The following CDH4 variants were observed in gnomAD, a reference collection of about 807,000 sequenced individuals.
CDH4 encodes the protein cadherin-4.
A neutral mutation model predicts 86.0 loss-of-function variants in CDH4; 33 were observed. The ratio of observed to expected loss-of-function variants is 0.38; its 90% confidence interval spans 0.29 to 0.51. The LOEUF is 0.51. Among genes scored for constraint, CDH4 ranks in the 20% least tolerant of loss-of-function variants. The probability of loss-of-function intolerance (pLI) is 0.86; values close to 1 mark genes in which losing one functional copy is unlikely to be tolerated. For missense variants in CDH4, 1,114 were observed against 1,307.4 expected (o/e 0.85, Z 2.28); for synonymous variants, 555 against 549.4 (o/e 1.01, Z -0.14).
At chr20:61,732,713 G>A (rs1283574441) in intron 2 of CDH4, among the ~76,000 whole-genome samples, 7 of 152,312 alleles carry the variant, frequency 4.6e-5, no homozygotes, top group South Asian at 4.2e-4. Context: ...ACAGCTTCCC[G>A]GGGGAGGACC....
intron 2 of CDH4, among the ~76,000 whole-genome samples, chr20:61,350,723 A>G (rs2084707386): frequency 6.8e-6 from 1 of 147,218 alleles, no homozygotes; most frequent in African/African-American, 2.5e-5. Context: ...GCCCCCCCCC[A>G]GTGCTAACTG....
intron 2 of CDH4, among the ~76,000 whole-genome samples, chr20:61,509,706 G>C (rs904944220): frequency 1.3e-5 from 2 of 152,138 alleles, no homozygotes; most frequent in South Asian, 4.2e-4. Context: ...CAGAGTCCAC[G>C]GAAGGGGAAC....
At chr20:61,679,917 G>T (rs1037403132) in intron 2 of CDH4, among the ~76,000 whole-genome samples, 3 of 152,340 alleles carry the variant, frequency 2.0e-5, no homozygotes, top group East Asian at 1.9e-4. Context: ...GAGCCATTTT[G>T]TCTGTCAGTG....
chr20:61,603,128 G>A (rs2086615861), intron 2 of CDH4, among the ~76,000 whole-genome samples: 1 of 152,224 alleles, frequency 6.6e-6, no homozygotes, highest in African/African-American at 2.4e-5. Flanking sequence ...CAGAAGCACA[G>A]TTTTTTATTC....
chr20:61,293,854 G>A (rs2084336808), intron 2 of CDH4, among the ~76,000 whole-genome samples: 1 of 152,194 alleles, frequency 6.6e-6, no homozygotes, highest in Admixed American at 6.5e-5. Flanking sequence ...GTGGCATCCT[G>A]GGGTGGGAGG....
At chr20:61,492,978 C>A (rs934869620) in intron 2 of CDH4, among the ~76,000 whole-genome samples, 2 of 152,288 alleles carry the variant, frequency 1.3e-5, no homozygotes, top group South Asian at 4.1e-4. Flanking sequence ...TTTGAGCTGT[C>A]GTGCCTGTCA....
At chr20:61,308,130 C>T (rs1487201343) in intron 2 of CDH4, among the ~76,000 whole-genome samples, 2 of 152,164 alleles carry the variant, frequency 1.3e-5, no homozygotes, top group African/African-American at 4.8e-5. Flanking sequence ...ACCTCACTGC[C>T]CAGGGGGCGG....
chr20:61,837,849 G>A (rs1981951208), intron 4 of CDH4, among the ~76,000 whole-genome samples: 1 of 152,096 alleles, frequency 6.6e-6, no homozygotes, highest in African/African-American at 2.4e-5. Flanking sequence ...TGGAACCCAT[G>A]TATCATCCAG....
chr20:61,528,415 TGGAGGGGGAGA>T (rs1231934466), intron 2 of CDH4, among the ~76,000 whole-genome samples: 1 of 48,006 alleles, frequency 2.1e-5, no homozygotes, highest in Non-Finnish European at 3.9e-5. Context: ...GGGAGGGGGG[TGGAGGGGGAGA>T]GGAGGGGAAG....
In CDH4 at chr20:61,600,122, G is replaced by T. The variant is rs552255600; in HGVS notation, c.170-143441G>T. 14 of 224,788 alleles carry T rather than the reference G, an allele frequency of 6.2e-5. No individual in the cohort carries two copies. The South Asian group carries it at 2.1e-3, about 33-fold the overall frequency. 13.9% of individuals were successfully genotyped at this position (224,788 alleles called of 1,614,324 possible). A position where few individuals can be genotyped will look rare whatever the true frequency, so the allele number is the denominator to read the frequency against. On this transcript the variant is annotated intron_variant, in intron 2 of 15. Transcript: ENST00000614565. ...TGGCTCCTCGGATGCTGCTGAGAATGAAATGGGGAAGCCGTGAGAAAGCAG... is the reference window on the plus strand; with the variant it reads ...TGGCTCCTCGGATGCTGCTGAGAATTAAATGGGGAAGCCGTGAGAAAGCAG...
At chr20:61,295,531 C>T (rs937725951) in intron 2 of CDH4, among the ~76,000 whole-genome samples, 2 of 152,136 alleles carry the variant, frequency 1.3e-5, no homozygotes, top group Non-Finnish European at 2.9e-5. Context: ...CGCAAACTCC[C>T]TTTGGTATCT....
chr20:61,686,093 G>A (rs902925370), intron 2 of CDH4, among the ~76,000 whole-genome samples: 2 of 152,130 alleles, frequency 1.3e-5, no homozygotes, highest in Non-Finnish European at 2.9e-5. Flanking sequence ...ATAGACCAGC[G>A]GCATCTGTAC....
At chr20:61,412,811 C>G (rs2085126230) in intron 2 of CDH4, among the ~76,000 whole-genome samples, 1 of 152,162 alleles carries the variant, frequency 6.6e-6, no homozygotes, top group Non-Finnish European at 1.5e-5. Flanking sequence ...TTCTAGATGG[C>G]CAGGCCTGGC....
intron 2 of CDH4, among the ~76,000 whole-genome samples, chr20:61,382,876 AC>A (rs78715013): frequency 0.25 from 37,172 of 151,154 alleles, 4,953 homozygotes; most frequent in African/African-American, 0.34. Context: ...ATCTGCAAAG[AC>A]CCATTTTTCC....
At chr20:61,725,072 A>G (rs1011260060) in intron 2 of CDH4, among the ~76,000 whole-genome samples, 1 of 152,230 alleles carries the variant, frequency 6.6e-6, no homozygotes, top group Admixed American at 6.5e-5. Context: ...TGATTGTGCC[A>G]TTGCACTCCA....
At chr20:61,589,272 C>T (rs1033322556) in intron 2 of CDH4, among the ~76,000 whole-genome samples, 6 of 152,140 alleles carry the variant, frequency 3.9e-5, no homozygotes, top group South Asian at 2.1e-4. Context: ...TTAAAAAACA[C>T]GAGGCTTCCT....
intron 2 of CDH4, among the ~76,000 whole-genome samples, chr20:61,427,613 C>T (rs75605533): frequency 0.029 from 4,336 of 152,080 alleles, 97 homozygotes; most frequent in Non-Finnish European, 0.044. Context: ...GCTGCTCCTT[C>T]CAGTTTCCTG....
chr20:61,483,703 A>T (rs568023181), intron 2 of CDH4, among the ~76,000 whole-genome samples: 117 of 127,186 alleles, frequency 9.2e-4, no homozygotes, highest in African/African-American at 3.2e-3. Context: ...TGCCCCCAAC[A>T]CACACACAAA....
intron 2 of CDH4, among the ~76,000 whole-genome samples, chr20:61,287,130 A>C (rs963486022): frequency 6.6e-6 from 1 of 152,100 alleles, no homozygotes; most frequent in Non-Finnish European, 1.5e-5. Context: ...TTCGTCTGAA[A>C]ACCAGGATGA....
Sources: gnomAD v4.1 joint callset for allele counts (sites outside exome capture counted in the v4.1 genomes callset) on GRCh38, gnomAD v4.1.1 for gene constraint, MANE v1.5 for transcripts, NCBI Gene and HGNC (gene_info 2026-07-23, HGNC 2026-07-21) for gene names.